The following XRCC5 variants were observed in gnomAD, a reference collection of about 807,000 sequenced individuals.
XRCC5 encodes DNA repair protein Ku80.
A neutral mutation model predicts 95.7 loss-of-function variants in XRCC5; 12 were observed. The ratio of observed to expected loss-of-function variants is 0.13; its 90% CI spans 0.08 to 0.20. The LOEUF (loss-of-function observed/expected upper bound fraction) is 0.20. Ranked by LOEUF, XRCC5 falls within the 10% of genes least tolerant of loss-of-function variation. The pLI is 1.00. For synonymous variants in XRCC5, 281 were observed against 290.3 expected (o/e 0.97, Z 0.33); for missense variants, 595 against 873.9 (o/e 0.68, Z 4.02).
At chr2:216,181,001 C>CGGG (rs1689375020) in intron 16 of XRCC5, among the ~76,000 whole-genome samples, 1 of 151,784 alleles carries the variant, frequency 6.6e-6, no homozygotes, top group Non-Finnish European at 1.5e-5. Context: ...TTAGTAGAGA[C>CGGG]GGGGTTTCTC....
At chr2:216,202,437 A>G (rs190968479) in intron 19 of XRCC5, among the ~76,000 whole-genome samples, 44 of 152,382 alleles carry the variant, frequency 2.9e-4, no homozygotes, top group Non-Finnish European at 5.6e-4. Flanking sequence ...TAACCTTTAC[A>G]GATAAATCAT....
intron 4 of XRCC5, among the ~76,000 whole-genome samples, chr2:216,118,684 A>G (rs1169700082): frequency 6.6e-6 from 1 of 152,184 alleles, no homozygotes; most frequent in East Asian, 1.9e-4. Flanking sequence ...TCAGAGCAGG[A>G]TATTTAGAAA....
chr2:216,141,905 T>G (rs1306113051), intron 13 of XRCC5, among the ~76,000 whole-genome samples: 1 of 152,046 alleles, frequency 6.6e-6, no homozygotes, highest in African/African-American at 2.4e-5. Context: ...AATAAAAAAA[T>G]TAGCCGGGCA....
intron 14 of XRCC5, among the ~76,000 whole-genome samples, chr2:216,156,065 CTCAG>C (rs1201359611): frequency 1.3e-5 from 2 of 152,206 alleles, no homozygotes; most frequent in African/African-American, 2.4e-5. Flanking sequence ...TGACAAAGTG[CTCAG>C]TCAACCTTCT....
At chr2:216,190,361 T>G (rs762475365) in intron 17 of XRCC5, 27 bp downstream of exon 17, 3 of 1,596,392 alleles carry the variant, frequency 1.9e-6, no homozygotes, top group Non-Finnish European at 2.6e-6. Context: ...ATCTCTTTTC[T>G]TCCTAAACAG....
At chr2:216,204,858 C>T (rs1574439723) in intron 20 of XRCC5, among the ~76,000 whole-genome samples, 1 of 152,326 alleles carries the variant, frequency 6.6e-6, no homozygotes, top group Admixed American at 6.5e-5. Flanking sequence ...GACCCCATTA[C>T]ACCATGTTGT....
At chr2:216,117,908 CAA>C (rs1347036505) in intron 4 of XRCC5, 114 bp downstream of exon 4, 7 of 1,100,994 alleles carry the variant, frequency 6.4e-6, no homozygotes, top group South Asian at 1.4e-5. Flanking sequence ...GTTTGTGTGA[CAA>C]GAGAAACATT....
intron 16 of XRCC5, among the ~76,000 whole-genome samples, chr2:216,189,329 A>G (rs1286427165): frequency 6.6e-6 from 1 of 152,250 alleles, no homozygotes; most frequent in Non-Finnish European, 1.5e-5. Context: ...TTCAGGGGAC[A>G]AGGGAGAGGA....
chr2:216,195,007 G>A, intron 19 of XRCC5, 21 bp downstream of exon 19: 1 of 1,610,784 alleles, frequency 6.2e-7, no homozygotes, highest in Non-Finnish European at 8.5e-7. Context: ...GTAAACCTTT[G>A]TCTTTAGTTG....
intron 19 of XRCC5, among the ~76,000 whole-genome samples, chr2:216,199,316 C>T (rs1028113032): frequency 1.3e-5 from 2 of 152,156 alleles, no homozygotes; most frequent in Non-Finnish European, 2.9e-5. Flanking sequence ...ATTTGTATAA[C>T]ATCTTAAGAG....
intron 16 of XRCC5, chr2:216,175,571 G>T: frequency 2.6e-6 from 1 of 391,532 alleles, no homozygotes; most frequent in Non-Finnish European, 4.9e-6. Context: ...TCCATAACTT[G>T]TATGGTTTCA....
At chr2:216,133,501 A>C (rs1400446409) in intron 10 of XRCC5, among the ~76,000 whole-genome samples, 1 of 152,134 alleles carries the variant, frequency 6.6e-6, no homozygotes, top group Non-Finnish European at 1.5e-5. Context: ...ACTTCCACTT[A>C]CTGTCTCTTT....
chr2:216,170,277 T>C (rs967537474), intron 16 of XRCC5, among the ~76,000 whole-genome samples: 3 of 152,066 alleles, frequency 2.0e-5, no homozygotes, highest in African/African-American at 7.3e-5. Flanking sequence ...CTCCCAGTGT[T>C]TTGTTTTCTC....
At chr2:216,167,580 G>GGGTT (rs1689075314) in intron 16 of XRCC5, among the ~76,000 whole-genome samples, 2 of 74,728 alleles carry the variant, frequency 2.7e-5, no homozygotes, top group Non-Finnish European at 5.1e-5. Flanking sequence ...TTGTGTGTGT[G>GGGTT]TGTGTGTGTG....
intron 1 of XRCC5, among the ~76,000 whole-genome samples, chr2:216,110,015 C>T (rs1230208289): frequency 6.6e-6 from 1 of 152,202 alleles, no homozygotes; most frequent in African/African-American, 2.4e-5. Context: ...GGATCTAAAC[C>T]TTTTATTCTT....
chr2:216,161,282 A>G (rs556346250), intron 15 of XRCC5, among the ~76,000 whole-genome samples: 1 of 152,130 alleles, frequency 6.6e-6, no homozygotes, highest in Non-Finnish European at 1.5e-5. Flanking sequence ...TTGGAACCCC[A>G]TTGTTTTCTT....
In XRCC5 at chr2:216,132,441, A is replaced by G. The variant is rs1460128306; in HGVS notation, c.1113+54A>G. The stretch of plus-strand genomic sequence containing the variant: ...TGCTACAGAATTGAATTGTAAGTCT[A>G]TGAAAGCAAGTTGTTTGGGGCTTTT... On this transcript the variant is annotated intron_variant, in intron 10 of 20. Coordinates refer to ENST00000392132, the MANE Select transcript of XRCC5 (RefSeq NM_021141.4). The G allele has an allele frequency of 3.2e-6, 5 of 1,575,662 alleles. No individual in the cohort carries two copies. In the East Asian group the frequency reaches 6.7e-5, roughly 21 times the overall value.
In XRCC5 at chr2:216,122,092, A is replaced by C; in HGVS notation, c.522A>C (p.Gly174=). The stretch of plus-strand genomic sequence containing the variant: ...CTTTCTCACTTGGCAAGGAAGATGG[A>C]AGTGGGGACAGAGGAGATGGCCCCT... ...FLPFSLGKED[G]SGDRGDGPFR... is the part of the protein sequence containing the mutation. Residue 174 remains glycine (G), a synonymous_variant, in exon 6 of 21, where the codon GGA becomes GGC. Coordinates refer to ENST00000392132, the MANE Select transcript of XRCC5 (RefSeq NM_021141.4). 6.2e-7 allele frequency: 1 copy of C among 1,612,966 alleles called. No homozygotes were observed. Among genetic ancestry groups the C allele is most frequent in the East Asian group, 2.2e-5 (1 of 44,878 alleles).
chr2:216,148,329 C>G, intron 14 of XRCC5, 53 bp downstream of exon 14: 1 of 1,522,934 alleles, frequency 6.6e-7, no homozygotes, highest in African/African-American at 1.4e-5. Context: ...GAGTTGTGGT[C>G]ATTTTAGAGT....
Sources: allele counts gnomAD v4.1 joint callset (sites outside exome capture counted in the v4.1 genomes callset), GRCh38; gene constraint gnomAD v4.1.1; transcripts MANE v1.5; gene names NCBI Gene and HGNC (gene_info 2026-07-23, HGNC 2026-07-21).